Variants in FAT3 observed in about 807,000 individuals in gnomAD.
FAT3 encodes the protein FAT atypical cadherin 3.
FAT3 carries 95 observed loss-of-function variants against 310.2 expected under a neutral mutation model. The observed-to-expected ratio is 0.31, with a 90% CI of 0.26 to 0.36. FAT3 has a LOEUF of 0.36. FAT3 is among the 10% of genes least tolerant of loss of function. The probability of loss-of-function intolerance (pLI) is 1.00; values close to 1 mark genes in which losing one functional copy is unlikely to be tolerated. For missense variants in FAT3, 5,408 were observed against 5,715.6 expected, an observed-to-expected ratio of 0.95 and a Z score of 1.74; for synonymous variants, 2,314 against 2,192.9, an observed-to-expected ratio of 1.06 and a Z score of -1.54.
chr11:92,472,914 T>G lies in FAT3; in HGVS notation c.3293-51720T>G, dbSNP rs376114979. On this transcript the variant is annotated intron_variant, in intron 2 of 27. Transcript: ENST00000525166. ...CCCAGGAACCACTCTTATAGGCCAGTTTTTGGTTCTAAGAAGGCTGCTTGC... is the reference window on the plus strand; with the variant it reads ...CCCAGGAACCACTCTTATAGGCCAGGTTTTGGTTCTAAGAAGGCTGCTTGC... Among the ~76,000 whole-genome samples the G allele has an allele frequency of 1.8e-4, 28 of 152,282 alleles. No individual in the cohort carries two copies. The South Asian group carries it at 5.8e-3, about 32-fold the overall frequency.
At chr11:92,362,691 G>A (rs982289544) in intron 2 of FAT3, among the ~76,000 whole-genome samples, 1 of 152,138 alleles carries the variant, frequency 6.6e-6, no homozygotes, top group Non-Finnish European at 1.5e-5. Context: ...TTTATTAAAT[G>A]TTCCTCATTA....
chr11:92,300,199 T>C (rs1395424643), intron 1 of FAT3, among the ~76,000 whole-genome samples: 1 of 152,154 alleles, frequency 6.6e-6, no homozygotes, highest in Non-Finnish European at 1.5e-5. Context: ...TGCACTTACA[T>C]GTCATTATTC....
chr11:92,866,369 T>G (rs3843606), intron 21 of FAT3, among the ~76,000 whole-genome samples: 1 of 151,994 alleles, frequency 6.6e-6, no homozygotes, highest in South Asian at 2.1e-4. Flanking sequence ...GTTCCCGGAA[T>G]TCATTCCTGT....
At chr11:92,696,819 A>C (rs1042843994) in intron 3 of FAT3, among the ~76,000 whole-genome samples, 3 of 152,250 alleles carry the variant, frequency 2.0e-5, no homozygotes, top group Non-Finnish European at 4.4e-5. Context: ...TTTTGTATAA[A>C]GATTCAAACA....
At chr11:92,743,313 T>G (rs1945560376) in intron 4 of FAT3, among the ~76,000 whole-genome samples, 1 of 152,162 alleles carries the variant, frequency 6.6e-6, no homozygotes, top group Non-Finnish European at 1.5e-5. Flanking sequence ...AAGGAGCCAG[T>G]AAAGACCTTT....
At chr11:92,732,449 A>G (rs1210271236) in intron 4 of FAT3, among the ~76,000 whole-genome samples, 2 of 152,222 alleles carry the variant, frequency 1.3e-5, no homozygotes, top group Non-Finnish European at 2.9e-5. Context: ...TAAGGACACA[A>G]AAATGAATAA....
intron 4 of FAT3, among the ~76,000 whole-genome samples, chr11:92,712,319 G>A (rs1410949213): frequency 6.6e-6 from 1 of 152,224 alleles, no homozygotes; most frequent in South Asian, 2.1e-4. Context: ...AGACTCTTAC[G>A]TGCATGCCAA....
chr11:92,717,756 G>T (rs929794881), intron 4 of FAT3, among the ~76,000 whole-genome samples: 5 of 152,034 alleles, frequency 3.3e-5, no homozygotes, highest in African/African-American at 1.2e-4. Context: ...AGGTTCTGTG[G>T]TCAATGTGAT....
chr11:92,375,208 A>G (rs1026382802), intron 2 of FAT3, among the ~76,000 whole-genome samples: 1 of 152,098 alleles, frequency 6.6e-6, no homozygotes, highest in African/African-American at 2.4e-5. Context: ...GTCATAGCTT[A>G]CAGCAGCCTC....
At chr11:92,633,000 C>A (rs911404220) in intron 3 of FAT3, among the ~76,000 whole-genome samples, 1 of 152,168 alleles carries the variant, frequency 6.6e-6, no homozygotes, top group Non-Finnish European at 1.5e-5. Context: ...TACCTGCTAC[C>A]TTTGTGGATA....
intron 14 of FAT3, 24 bp downstream of exon 14, chr11:92,832,035 G>T: frequency 6.6e-7 from 1 of 1,512,200 alleles, no homozygotes; most frequent in South Asian, 1.3e-5. Context: ...ACTGTACTTA[G>T]AATACAGAGC....
intron 13 of FAT3, among the ~76,000 whole-genome samples, chr11:92,818,476 T>C (rs1947880149): frequency 6.6e-6 from 1 of 150,470 alleles, no homozygotes; most frequent in Non-Finnish European, 1.5e-5. Flanking sequence ...TTCTCCCTTT[T>C]AGGATTTTCT....
In FAT3 at chr11:92,859,326, A is replaced by C; in HGVS notation, c.11658+4A>C. 6.3e-7 allele frequency: 1 copy of C among 1,580,838 alleles called. No individual in the cohort carries two copies. On this transcript the variant is annotated splice_donor_region_variant and intron_variant, in intron 21 of 27. Transcript: ENST00000525166. ...AAATCCCTGCATAATTCTGAAGGTA[A>C]TTAAAATGGGTTATCTTTTTCTGCA...
chr11:92,578,988 T>C (rs1436355185), intron 3 of FAT3, among the ~76,000 whole-genome samples: 1 of 152,142 alleles, frequency 6.6e-6, no homozygotes, highest in African/African-American at 2.4e-5. Flanking sequence ...TGGAATGGTA[T>C]TACTTATAAG....
At position 92,891,070 on chromosome 11, in the gene FAT3, T is replaced by G; in HGVS notation, c.13727T>G (p.Leu4576Arg). ...GTGGGAGAGCTCAGCCTCGCCAGCCTTCACATTCCCTTTGTGGAGACTCAG... is the reference window on the plus strand; with the variant it reads ...GTGGGAGAGCTCAGCCTCGCCAGCCGTCACATTCCCTTTGTGGAGACTCAG... ...ESVGELSLAS[L>R]HIPFVETQHQ... Residue 4576 changes from leucine (L) to arginine (R), a missense_variant, in exon 28 of 28, where the codon CTT (leucine) becomes CGT (arginine). Around this residue, in one of 5 missense-constraint regions of FAT3, gnomAD observed 649 missense variants for 666.2 expected, o/e 0.97. Coordinates refer to ENST00000525166, the MANE Select transcript of FAT3 (RefSeq NM_001367949.2). 6.2e-7 allele frequency: 1 copy of G among 1,613,838 alleles called. No individual in the cohort carries two copies. The highest frequency in any genetic ancestry group is 2.2e-5 in the East Asian group (1 of 44,872).
chr11:92,554,663 G>T (rs987069982), intron 3 of FAT3, among the ~76,000 whole-genome samples: 1 of 152,022 alleles, frequency 6.6e-6, no homozygotes, highest in African/African-American at 2.4e-5. Context: ...TAAACATAAT[G>T]TAAAAGTCAG....
chr11:92,836,547 T>C lies in FAT3; in HGVS notation c.10087-19T>C. The stretch of plus-strand genomic sequence containing the variant: ...CCTTATGTCATGTCTTTTCTTTGTT[T>C]TGCTTGTTTTCCATGAAGCTAATAG... On this transcript the variant is annotated intron_variant, in intron 15 of 27. Transcript: ENST00000525166. 6.2e-7 allele frequency: 1 copy of C among 1,610,998 alleles called. No individual in the cohort carries two copies. The highest frequency in any genetic ancestry group is 8.5e-7 in the Non-Finnish European group (1 of 1,178,634).
intron 3 of FAT3, among the ~76,000 whole-genome samples, chr11:92,607,318 G>C (rs1038507263): frequency 6.6e-6 from 1 of 152,048 alleles, no homozygotes; most frequent in Non-Finnish European, 1.5e-5. Flanking sequence ...CTAAGGAAGG[G>C]GGGTGGGGGG....
Position 92,642,211 on chromosome 11 carries a change from T to C in FAT3, c.3608-55173T>C, listed in dbSNP as rs574058464. 1.3e-4 allele frequency among the ~76,000 whole-genome samples: 20 copies of C among 152,338 alleles called. No individual in the cohort carries two copies. In the South Asian group the frequency reaches 3.9e-3, roughly 30 times the overall value. Reference sequence around the variant, plus strand: ...AGTTTCTGCCAGATCTGCCTGGGCTTTAAGCCTCATCCTCTTTTCCCATCT... The same window carrying C: ...AGTTTCTGCCAGATCTGCCTGGGCTCTAAGCCTCATCCTCTTTTCCCATCT... On this transcript the variant is annotated intron_variant, in intron 3 of 27. Coordinates refer to ENST00000525166, the MANE Select transcript of FAT3 (RefSeq NM_001367949.2).
Sources: allele counts gnomAD v4.1 joint callset (sites outside exome capture counted in the v4.1 genomes callset), GRCh38; gene constraint gnomAD v4.1.1; regional missense constraint gnomAD v4.1.1; transcripts MANE v1.5; gene names NCBI Gene and HGNC (gene_info 2026-07-23, HGNC 2026-07-21).